The following CHSY3 variants were observed in gnomAD, a reference collection of about 807,000 sequenced individuals.
The protein encoded by CHSY3 is chondroitin sulfate synthase 3, also known as N-acetylgalactosaminyl-proteoglycan 3-beta-glucuronosyltransferase 3.
CHSY3 carries 35 observed loss-of-function variants against 67.2 expected under a neutral mutation model. The ratio of observed to expected loss-of-function variants is 0.52; its 90% CI spans 0.40 to 0.69. The LOEUF is 0.69. Among genes scored for constraint, CHSY3 ranks in the 30% least tolerant of loss-of-function variants. The pLI is 0.00. For missense variants in CHSY3, 1,069 were observed against 1,138.5 expected, an observed-to-expected ratio of 0.94 and a Z score of 0.88; for synonymous variants, 474 against 434.7, an observed-to-expected ratio of 1.09 and a Z score of -1.12.
intron 2 of CHSY3, among the ~76,000 whole-genome samples, chr5:130,182,634 C>T (rs1770282311): frequency 6.6e-6 from 1 of 151,998 alleles, no homozygotes; most frequent in Non-Finnish European, 1.5e-5. Flanking sequence ...TAAAATAAAC[C>T]TTTATGTTTA....
chr5:130,108,824 T>G (rs1285387740), intron 2 of CHSY3, among the ~76,000 whole-genome samples: 1 of 151,682 alleles, frequency 6.6e-6, no homozygotes, highest in African/African-American at 2.4e-5. Context: ...CACAAGTATT[T>G]TATAGGTTTA....
chr5:130,143,732 G>GTATATATATATATATATATATA (rs1468717884), intron 2 of CHSY3, among the ~76,000 whole-genome samples: 1 of 99,288 alleles, frequency 1.0e-5, no homozygotes, highest in African/African-American at 4.2e-5. Context: ...GTGTGTGTGT[G>GTATATATATATATATATATATA]TGTATATATA....
At chr5:130,125,089 G>C (rs1366315079) in intron 2 of CHSY3, among the ~76,000 whole-genome samples, 3 of 152,104 alleles carry the variant, frequency 2.0e-5, no homozygotes, top group Non-Finnish European at 4.4e-5. Flanking sequence ...TCGAACTCCT[G>C]CAGAGATTAC....
chr5:129,931,214 T>C (rs1053005653), intron 2 of CHSY3, among the ~76,000 whole-genome samples: 2 of 152,166 alleles, frequency 1.3e-5, no homozygotes, highest in Non-Finnish European at 2.9e-5. Flanking sequence ...CTACAACCAT[T>C]TGTGCCATGG....
chr5:130,091,310 G>A (rs1352165401), intron 2 of CHSY3, among the ~76,000 whole-genome samples: 5 of 152,150 alleles, frequency 3.3e-5, no homozygotes, highest in South Asian at 2.1e-4. Context: ...GTTATTCAGC[G>A]ATGGAAATCT....
intron 2 of CHSY3, among the ~76,000 whole-genome samples, chr5:130,178,705 T>C (rs1770155188): frequency 6.6e-6 from 1 of 152,198 alleles, no homozygotes; most frequent in South Asian, 2.1e-4. Flanking sequence ...GCATAAGGGA[T>C]GAAAATCTGA....
intron 2 of CHSY3, among the ~76,000 whole-genome samples, chr5:130,027,109 T>G (rs1211464366): frequency 6.6e-6 from 1 of 152,116 alleles, no homozygotes; most frequent in Non-Finnish European, 1.5e-5. Context: ...GCCTTTCTGG[T>G]TCTCTAACAC....
intron 2 of CHSY3, among the ~76,000 whole-genome samples, chr5:129,914,465 C>T (rs1439634594): frequency 6.6e-6 from 1 of 152,142 alleles, no homozygotes; most frequent in Non-Finnish European, 1.5e-5. Flanking sequence ...CATGTTTATG[C>T]CCCCAAAGTA....
intron 2 of CHSY3, among the ~76,000 whole-genome samples, chr5:130,159,283 G>A (rs1480439290): frequency 6.9e-6 from 1 of 144,462 alleles, no homozygotes; most frequent in Non-Finnish European, 1.5e-5. Flanking sequence ...TCCCACCCCA[G>A]CCTCCCAACT....
intron 2 of CHSY3, among the ~76,000 whole-genome samples, chr5:130,157,828 GT>G: frequency 6.6e-6 from 1 of 152,338 alleles, no homozygotes; most frequent in South Asian, 2.1e-4. Context: ...TAAACAAGGG[GT>G]GGATTATTCA....
chr5:130,138,574 A>C (rs1022684900), intron 2 of CHSY3, among the ~76,000 whole-genome samples: 9 of 152,254 alleles, frequency 5.9e-5, no homozygotes, highest in African/African-American at 2.2e-4. Context: ...GCAGACAGCC[A>C]AGACTGCTGA....
At chr5:129,991,159 A>G (rs1763352069) in intron 2 of CHSY3, among the ~76,000 whole-genome samples, 1 of 152,176 alleles carries the variant, frequency 6.6e-6, no homozygotes, top group East Asian at 1.9e-4. Context: ...TAAGTTGAAG[A>G]ATAGCATAAC....
Position 130,184,937 on chromosome 5 carries a change from A to T in CHSY3, c.1795A>T (p.Asn599Tyr). 6.4e-7 allele frequency: 1 copy of T among 1,553,074 alleles called. No homozygotes were observed. Among genetic ancestry groups the T allele is most frequent in the Non-Finnish European group, 8.9e-7 (1 of 1,124,846 alleles). ...SETQSFSFISNSLKILSSFQG... is the reference protein window; with the variant it reads ...SETQSFSFISYSLKILSSFQG... ...AACTCAGTCATTCTCCTTTATATCT[A>T]ATTCTTTAAAGATATTATCTTCTTT... Residue 599 changes from asparagine to tyrosine, a missense_variant, in exon 3 of 3, where the codon AAT (asparagine) becomes TAT (tyrosine). Around this residue, in one of 5 missense-constraint regions of CHSY3, gnomAD observed 401 missense variants for 395.2 expected, o/e 1.01. Coordinates refer to ENST00000305031, the MANE Select transcript of CHSY3 (RefSeq NM_175856.5).
At chr5:129,949,946 C>G (rs185576820) in intron 2 of CHSY3, among the ~76,000 whole-genome samples, 145 of 151,976 alleles carry the variant, frequency 9.5e-4, no homozygotes, top group African/African-American at 3.5e-3. Context: ...GGTGGATCAC[C>G]TGAGGTCAGG....
intron 2 of CHSY3, among the ~76,000 whole-genome samples, chr5:129,976,612 G>A (rs1355421709): frequency 6.6e-6 from 1 of 151,906 alleles, no homozygotes; most frequent in African/African-American, 2.4e-5. Context: ...ATTTAATATA[G>A]AACTTCCTGA....
chr5:130,086,579 C>T lies in CHSY3; in HGVS notation c.1087-97650C>T, dbSNP rs564008011. Among the ~76,000 whole-genome samples, 3 of 152,160 alleles carry T rather than the reference C, an allele frequency of 2.0e-5. No individual in the cohort carries two copies. The South Asian group carries it at 6.2e-4, about 32-fold the overall frequency. ...AAATACAAACTACCATCAGAGAATACTACAAACACCTCTACGCAAATAAAC... is the reference window on the plus strand; with the variant it reads ...AAATACAAACTACCATCAGAGAATATTACAAACACCTCTACGCAAATAAAC... On this transcript the variant is annotated intron_variant, in intron 2 of 2. Transcript: ENST00000305031.
intron 2 of CHSY3, among the ~76,000 whole-genome samples, chr5:129,968,468 C>G (rs1762529665): frequency 6.6e-6 from 1 of 151,738 alleles, no homozygotes. Flanking sequence ...ATGTATTGTT[C>G]TACACTAAAC....
intron 2 of CHSY3, among the ~76,000 whole-genome samples, chr5:130,102,672 GA>G (rs1423853381): frequency 6.6e-6 from 1 of 152,052 alleles, no homozygotes; most frequent in Non-Finnish European, 1.5e-5. Context: ...AATTGGATGA[GA>G]AAATGTTGAT....
chr5:130,174,638 T>C (rs1373200984), intron 2 of CHSY3, among the ~76,000 whole-genome samples: 2 of 152,106 alleles, frequency 1.3e-5, no homozygotes, highest in East Asian at 3.8e-4. Context: ...ACTACAAAGA[T>C]AACAACTACA....
Sources: gnomAD v4.1 joint callset for allele counts (sites outside exome capture counted in the v4.1 genomes callset) on GRCh38, gnomAD v4.1.1 for gene constraint, gnomAD v4.1.1 regional missense constraint, MANE v1.5 for transcripts, NCBI Gene and HGNC (gene_info 2026-07-23, HGNC 2026-07-21) for gene names.